FAF1: variants seen among roughly 807,000 people sequenced by gnomAD.
FAF1 encodes the protein FAS-associated factor 1.
In FAF1, 25 loss-of-function variants were observed where a neutral mutation model predicts 92.5. That is an observed-to-expected ratio of 0.27 (90% CI 0.20 to 0.38). FAF1 has a LOEUF of 0.38. Ranked by LOEUF, FAF1 falls within the 10% of genes least tolerant of loss-of-function variation. The pLI is 1.00. For synonymous variants in FAF1, 234 were observed against 273.2 expected (o/e 0.86, Z 1.42); for missense variants, 636 against 793.3 (o/e 0.80, Z 2.38).
At chr1:50,472,054 T>G (rs1304925598) in intron 18 of FAF1, among the ~76,000 whole-genome samples, 1 of 151,992 alleles carries the variant, frequency 6.6e-6, no homozygotes, top group Non-Finnish European at 1.5e-5. Flanking sequence ...TCTTACCAAG[T>G]GGCATGAGTG....
intron 2 of FAF1, among the ~76,000 whole-genome samples, chr1:50,831,474 C>T (rs1240324478): frequency 6.6e-6 from 1 of 152,194 alleles, no homozygotes; most frequent in African/African-American, 2.4e-5. Context: ...TCCAGTGACA[C>T]TGGGAGCTCC....
Position 50,438,184 on chromosome 1 carries a change from C to G in FAF1, c.*3256G>C, listed in dbSNP as rs1646142955. 6.6e-6 allele frequency: 1 copy of G among 152,246 alleles called. No homozygotes were observed. Among genetic ancestry groups the G allele is most frequent in the East Asian group, 1.9e-4 (1 of 5,204 alleles). The allele number at this position is 152,246 out of a possible 1,614,324, so 9.4% of individuals were successfully genotyped here. Reference sequence around the variant, plus strand: ...CCTTGTGCAAAAATGGAATCATCATCTCTGCCCTGCTTCCCTCATAGCGGG... The same window carrying G: ...CCTTGTGCAAAAATGGAATCATCATGTCTGCCCTGCTTCCCTCATAGCGGG... On this transcript the variant is annotated 3_prime_UTR_variant, in exon 19 of 19. Coordinates refer to ENST00000396153, the MANE Select transcript of FAF1 (RefSeq NM_007051.3).
At chr1:50,902,345 C>A (rs1033677192) in intron 1 of FAF1, among the ~76,000 whole-genome samples, 1 of 152,110 alleles carries the variant, frequency 6.6e-6, no homozygotes, top group Non-Finnish European at 1.5e-5. Context: ...ACAAAATACA[C>A]ACTACATTTC....
chr1:50,936,380 A>C (rs1645085193), intron 1 of FAF1, among the ~76,000 whole-genome samples: 1 of 152,220 alleles, frequency 6.6e-6, no homozygotes, highest in African/African-American at 2.4e-5. Flanking sequence ...GGAGGGAGTA[A>C]GTAACTGTCA....
intron 1 of FAF1, among the ~76,000 whole-genome samples, chr1:50,938,966 T>C (rs975871358): frequency 3.9e-5 from 6 of 152,264 alleles, no homozygotes; most frequent in African/African-American, 1.4e-4. Context: ...TTGGTCTCTA[T>C]AGCCTTATAG....
At chr1:50,904,565 T>G (rs923756628) in intron 1 of FAF1, among the ~76,000 whole-genome samples, 19 of 152,226 alleles carry the variant, frequency 1.2e-4, no homozygotes, top group African/African-American at 4.6e-4. Context: ...CCTAAAATCC[T>G]GTTTAAGACA....
chr1:50,691,604 T>G (rs1656926407), intron 7 of FAF1, among the ~76,000 whole-genome samples: 1 of 151,794 alleles, frequency 6.6e-6, no homozygotes, highest in South Asian at 2.1e-4. Flanking sequence ...CTTTTTTCTT[T>G]TTTTGAGACA....
chr1:50,713,263 A>G (rs1658022994), intron 6 of FAF1, among the ~76,000 whole-genome samples: 2 of 151,646 alleles, frequency 1.3e-5, no homozygotes, highest in African/African-American at 2.4e-5. Flanking sequence ...AAAAAAAAAA[A>G]GGCATGTTTT....
chr1:50,549,699 G>A (rs930150231), intron 13 of FAF1, among the ~76,000 whole-genome samples: 7 of 151,822 alleles, frequency 4.6e-5, no homozygotes, highest in South Asian at 2.1e-4. Context: ...TGCTTGAACC[G>A]GGGAGGTGGG....
intron 5 of FAF1, among the ~76,000 whole-genome samples, chr1:50,739,340 A>G (rs748568512): frequency 1.1e-4 from 16 of 152,146 alleles, no homozygotes; most frequent in Non-Finnish European, 1.9e-4. Context: ...GTACACGTAC[A>G]TGCATATACA....
At chr1:50,499,246 T>C (rs886196143) in intron 15 of FAF1, among the ~76,000 whole-genome samples, 16 of 152,036 alleles carry the variant, frequency 1.1e-4, no homozygotes, top group African/African-American at 3.6e-4. Context: ...TTAGACTGGC[T>C]AGAACTGCCA....
At chr1:50,516,640 TAAG>T (rs1169439346) in intron 15 of FAF1, among the ~76,000 whole-genome samples, 8 of 152,334 alleles carry the variant, frequency 5.3e-5, no homozygotes, top group Non-Finnish European at 7.4e-5. Flanking sequence ...GACAAAAGAC[TAAG>T]AAGCAAATGC....
chr1:50,442,934 T>C (rs1646186753), intron 18 of FAF1, among the ~76,000 whole-genome samples: 1 of 152,200 alleles, frequency 6.6e-6, no homozygotes, highest in South Asian at 2.1e-4. Context: ...TGTGGGCAGA[T>C]GGACAGGCAA....
At chr1:50,505,164 G>A (rs1467218321) in intron 15 of FAF1, among the ~76,000 whole-genome samples, 2 of 152,134 alleles carry the variant, frequency 1.3e-5, no homozygotes, top group Non-Finnish European at 2.9e-5. Flanking sequence ...TCCACACTGG[G>A]GGAGAAGAAT....
At chr1:50,446,101 G>A (rs1646224106) in intron 18 of FAF1, among the ~76,000 whole-genome samples, 1 of 152,176 alleles carries the variant, frequency 6.6e-6, no homozygotes, top group African/African-American at 2.4e-5. Flanking sequence ...GTTTGGGGTT[G>A]TGGGGGGGAA....
In FAF1 at chr1:50,500,703, AT is replaced by A. The variant is rs141885083; in HGVS notation, c.1495-8903del. On this transcript the variant is annotated intron_variant, in intron 15 of 18. Transcript: ENST00000396153. Reference sequence around the variant, plus strand: ...TATTTTCTCCTAAAGACAATTGAAAATGATATTGAGTGTGCCTATGTTAAAG... The same window carrying A: ...TATTTTCTCCTAAAGACAATTGAAAAGATATTGAGTGTGCCTATGTTAAAG... 9.8e-3 allele frequency among the ~76,000 whole-genome samples: 1,490 copies of A among 152,266 alleles called. 24 individuals are homozygous for A. The highest frequency in any genetic ancestry group is 0.034 in the African/African-American group (1,417 of 41,568).
At chr1:50,884,136 T>C (rs1644637327) in intron 1 of FAF1, among the ~76,000 whole-genome samples, 1 of 152,002 alleles carries the variant, frequency 6.6e-6, no homozygotes, top group Non-Finnish European at 1.5e-5. Flanking sequence ...CAATGAAGTA[T>C]AATGATGTCT....
intron 8 of FAF1, among the ~76,000 whole-genome samples, chr1:50,642,338 C>T (rs1654376267): frequency 6.6e-6 from 1 of 151,718 alleles, no homozygotes; most frequent in Non-Finnish European, 1.5e-5. Context: ...AGTAGATCAA[C>T]CTATTGTTCT....
rs571663199 is a variant in FAF1, at chr1:50,712,366, G to C, written c.552-6475C>G. ...TAGTGGGGAAGGCTGTAAGAAATAC[G>C]CTATGTTTGCTGGGCTTGGTAGCTC... On this transcript the variant is annotated intron_variant, in intron 6 of 18. Transcript: ENST00000396153. Among the ~76,000 whole-genome samples, 3 of 152,088 alleles carry C rather than the reference G, an allele frequency of 2.0e-5. No homozygotes were observed. The South Asian group carries it at 6.2e-4, about 32-fold the overall frequency.
Sources: gnomAD v4.1 joint callset for allele counts (sites outside exome capture counted in the v4.1 genomes callset) on GRCh38, gnomAD v4.1.1 for gene constraint, MANE v1.5 for transcripts, NCBI Gene and HGNC (gene_info 2026-07-23, HGNC 2026-07-21) for gene names.